The following BAALC variants were observed in gnomAD, a reference collection of about 807,000 sequenced individuals.
BAALC encodes brain and acute leukemia cytoplasmic protein.
In BAALC, 9 loss-of-function variants were observed where a neutral mutation model predicts 15.5. The observed-to-expected ratio is 0.58, with a 90% CI of 0.35 to 1.02. BAALC has a LOEUF of 1.02. Among genes scored for constraint, BAALC ranks in the 50% least tolerant of loss-of-function variants. BAALC has a pLI of 0.02. For missense variants in BAALC, 201 were observed against 192.4 expected, an observed-to-expected ratio of 1.04 and a Z score of -0.27; for synonymous variants, 80 against 74.6, an observed-to-expected ratio of 1.07 and a Z score of -0.37.
chr8:103,220,283 T>A (rs569513407), intron 2 of BAALC, among the ~76,000 whole-genome samples: 1 of 152,304 alleles, frequency 6.6e-6, no homozygotes, highest in East Asian at 1.9e-4. Context: ...TTCAGCTGCC[T>A]CATTGGGAAA....
chr8:103,210,324 C>T (rs549695502), intron 1 of BAALC, among the ~76,000 whole-genome samples: 19 of 152,356 alleles, frequency 1.2e-4, no homozygotes, highest in African/African-American at 3.6e-4. Flanking sequence ...GGACCAGATA[C>T]TTTCCACTGT....
intron 1 of BAALC, chr8:103,153,050 C>G (rs1042513260): frequency 6.6e-6 from 1 of 152,180 alleles, no homozygotes; most frequent in Non-Finnish European, 1.5e-5. Context: ...GAACTCAAAA[C>G]TTTTAGCTTT....
intron 2 of BAALC, among the ~76,000 whole-genome samples, chr8:103,218,376 G>A (rs761049271): frequency 6.6e-6 from 1 of 152,046 alleles, no homozygotes; most frequent in African/African-American, 2.4e-5. Context: ...CAGAGTGTCT[G>A]ATAAATCATT....
At chr8:103,179,065 GT>G (rs1811670754) in intron 1 of BAALC, among the ~76,000 whole-genome samples, 1 of 152,070 alleles carries the variant, frequency 6.6e-6, no homozygotes, top group Non-Finnish European at 1.5e-5. Context: ...AGTCTTTGGG[GT>G]TCTCTTCTCT....
chr8:103,164,753 C>T (rs534000455), intron 1 of BAALC, among the ~76,000 whole-genome samples: 7 of 152,362 alleles, frequency 4.6e-5, no homozygotes, highest in Admixed American at 4.6e-4. Context: ...CACCCCTCTG[C>T]AAAGCCTCCC....
rs200789564 is a variant in BAALC at position 103,190,011 on chromosome 8, CA to C, written c.161-22905del. Among the ~76,000 whole-genome samples the C allele has an allele frequency of 7.5e-3, 1,133 of 152,078 alleles. 7 individuals carry two copies. Among genetic ancestry groups the C allele is most frequent in the Middle Eastern group, 0.014 (4 of 294 alleles). On this transcript the variant is annotated intron_variant, in intron 1 of 2. Transcript: ENST00000309982. The stretch of plus-strand genomic sequence containing the variant: ...TTCCAGTGGAAGCATAAATAGAGAA[CA>C]AAGGGTGATTTGAGGAGATACGCAG...
chr8:103,198,348 A>G (rs1812140864), intron 1 of BAALC, among the ~76,000 whole-genome samples: 1 of 152,198 alleles, frequency 6.6e-6, no homozygotes, highest in Admixed American at 6.5e-5. Flanking sequence ...GCTATTACTA[A>G]TTAGAAAAGA....
chr8:103,184,609 C>A (rs1054988908), intron 1 of BAALC, among the ~76,000 whole-genome samples: 1 of 152,202 alleles, frequency 6.6e-6, no homozygotes, highest in African/African-American at 2.4e-5. Flanking sequence ...GTCCATGCTG[C>A]CTTGTGTTAC....
Position 103,176,249 on chromosome 8 carries a change from A to G in BAALC, c.160+35192A>G, listed in dbSNP as rs1015734408. Among the ~76,000 whole-genome samples the G allele has an allele frequency of 9.2e-5, 14 of 152,354 alleles. No individual in the cohort carries two copies. The South Asian group carries it at 1.9e-3, about 20-fold the overall frequency. On this transcript the variant is annotated intron_variant, in intron 1 of 2. Coordinates refer to ENST00000309982, the MANE Select transcript of BAALC (RefSeq NM_024812.3). ...CTCACGCATACATGCACACACACAC[A>G]TGCACACATGCTGCAGAAAGCACTG...
intron 1 of BAALC, among the ~76,000 whole-genome samples, chr8:103,168,179 T>A (rs1003799800): frequency 6.6e-6 from 1 of 152,244 alleles, no homozygotes; most frequent in African/African-American, 2.4e-5. Flanking sequence ...AACCCTGTTA[T>A]GCATCCCACT....
Position 103,228,096 on chromosome 8 carries a change from C to G in BAALC, c.435C>G (p.Asn145Lys). ...RSRRITKNCV[N>K] ...GAAGAATCACAAAGAACTGTGTCAA[C>G]TAGCAGAGAGTCCAAGCAGAAGGGC... is the stretch of plus-strand genomic sequence containing the variant. The change falls in exon 3 of 3, where the codon AAC becomes AAG. Residue 145 changes from asparagine to lysine, a missense_variant. Coordinates refer to ENST00000309982, the MANE Select transcript of BAALC (RefSeq NM_024812.3). 6.2e-7 allele frequency: 1 copy of G among 1,602,774 alleles called. No homozygotes were observed. Among genetic ancestry groups the G allele is most frequent in the South Asian group, 1.1e-5 (1 of 90,654 alleles).
intron 1 of BAALC, among the ~76,000 whole-genome samples, chr8:103,181,604 T>C (rs1454985053): frequency 6.6e-6 from 1 of 152,170 alleles, no homozygotes; most frequent in Non-Finnish European, 1.5e-5. Flanking sequence ...ATGCCGCTAA[T>C]AAAATTCTCC....
intron 1 of BAALC, among the ~76,000 whole-genome samples, chr8:103,184,110 C>A (rs762766256): frequency 6.6e-6 from 1 of 152,210 alleles, no homozygotes; most frequent in African/African-American, 2.4e-5. Context: ...AACATTGCAT[C>A]TCTCTGTGCC....
Position 103,157,212 on chromosome 8 carries a change from T to C in BAALC, c.160+16155T>C, listed in dbSNP as rs181614086. 9.9e-5 allele frequency among the ~76,000 whole-genome samples: 15 copies of C among 152,224 alleles called. 1 individual carries two copies. Among genetic ancestry groups the C allele is most frequent in the Admixed American group, 3.3e-4 (5 of 15,296 alleles). ...TCAAACACCATCTGGTTGCAATTGCTCAAAACAATTCTAGAACCCCTTAAT... is the reference window on the plus strand; with the variant it reads ...TCAAACACCATCTGGTTGCAATTGCCCAAAACAATTCTAGAACCCCTTAAT... On this transcript the variant is annotated intron_variant, in intron 1 of 2. Coordinates refer to ENST00000309982, the MANE Select transcript of BAALC (RefSeq NM_024812.3).
At chr8:103,194,427 T>C (rs965851966) in intron 1 of BAALC, among the ~76,000 whole-genome samples, 4 of 152,222 alleles carry the variant, frequency 2.6e-5, no homozygotes, top group Admixed American at 2.6e-4. Flanking sequence ...ATTTTCTCTC[T>C]CCTTCTTCAA....
intron 1 of BAALC, among the ~76,000 whole-genome samples, chr8:103,158,067 C>T (rs986426071): frequency 6.6e-6 from 1 of 152,166 alleles, no homozygotes; most frequent in Non-Finnish European, 1.5e-5. Context: ...AATTGAGATA[C>T]AAACAACATC....
intron 2 of BAALC, among the ~76,000 whole-genome samples, chr8:103,227,167 CTG>C (rs999192110): frequency 1.3e-5 from 2 of 151,976 alleles, no homozygotes; most frequent in Admixed American, 1.3e-4. Flanking sequence ...TTCTTCCTGA[CTG>C]TGTGTGTGCG....
rs1414036110 is a variant in BAALC, at chr8:103,191,198, A to T, written c.161-21721A>T. The T allele has an allele frequency of 7.6e-5, 7 of 91,672 alleles. 1 individual carries two copies. The East Asian group carries it at 2.8e-3, about 37-fold the overall frequency. The allele number at this position is 91,672 out of a possible 1,614,324, so 5.7% of individuals were successfully genotyped here. A position where few individuals can be genotyped will look rare whatever the true frequency, so the allele number is the denominator to read the frequency against. On this transcript the variant is annotated intron_variant, in intron 1 of 2. Transcript: ENST00000309982. ...TGGGTGACAAGAGTGAGACTGTCTA[A>T]AAAAAAAAAAAGTTGAAAACAGACG...
At chr8:103,223,690 C>T (rs890354107) in intron 2 of BAALC, among the ~76,000 whole-genome samples, 4 of 152,118 alleles carry the variant, frequency 2.6e-5, no homozygotes, top group Admixed American at 2.6e-4. Flanking sequence ...CTTAAATAGG[C>T]TTGGAAATCC....
Sources: allele counts gnomAD v4.1 joint callset (sites outside exome capture counted in the v4.1 genomes callset), GRCh38; gene constraint gnomAD v4.1.1; transcripts MANE v1.5; gene names NCBI Gene and HGNC (gene_info 2026-07-23, HGNC 2026-07-21).